LCORL: variants seen among roughly 807,000 people sequenced by gnomAD.
LCORL encodes ligand dependent nuclear receptor corepressor like.
In LCORL, 41 loss-of-function variants were observed where a neutral mutation model predicts 141.8. The observed-to-expected ratio is 0.29, with a 90% CI of 0.23 to 0.38. The LOEUF is 0.38. LCORL is among the 10% of genes least tolerant of loss of function. The pLI, the probability that LCORL is intolerant of heterozygous loss-of-function variation, is 1.00. For synonymous variants in LCORL, 618 were observed against 694.1 expected (o/e 0.89, Z 1.72); for missense variants, 1,759 against 2,035.0 (o/e 0.86, Z 2.61).
chr4:17,906,749 C>T (rs1483623013), intron 5 of LCORL, among the ~76,000 whole-genome samples: 1 of 149,188 alleles, frequency 6.7e-6, no homozygotes, highest in African/African-American at 2.5e-5. Context: ...TGCAGTGGCG[C>T]GATCTTGGCC....
At chr4:17,912,604 C>A in intron 4 of LCORL, 2 of 407,218 alleles carry the variant, frequency 4.9e-6, no homozygotes, top group South Asian at 1.9e-5. Context: ...GACTTACAGT[C>A]CAGTCCTTGG....
chr4:17,932,638 C>T (rs765313371), intron 4 of LCORL, among the ~76,000 whole-genome samples: 33 of 152,260 alleles, frequency 2.2e-4, no homozygotes, highest in Admixed American at 5.9e-4. Context: ...CCATAGAGTA[C>T]GAGGCTGAGC....
At chr4:17,917,490 CTGAGA>C (rs1347688490) in intron 4 of LCORL, among the ~76,000 whole-genome samples, 3 of 152,208 alleles carry the variant, frequency 2.0e-5, no homozygotes, top group East Asian at 1.9e-4. Flanking sequence ...ACTGCGCCAG[CTGAGA>C]TATTTCTTTA....
intron 6 of LCORL, among the ~76,000 whole-genome samples, chr4:17,880,071 T>C (rs1160613200): frequency 1.3e-5 from 2 of 151,084 alleles, no homozygotes; most frequent in East Asian, 1.9e-4. Flanking sequence ...AGTTTTCTTA[T>C]TCAATTTATT....
chr4:17,842,436 A>T, exon 8 of LCORL: 1 of 1,423,440 alleles, frequency 7.0e-7, no homozygotes, highest in Non-Finnish European at 9.8e-7. Context: ...TATTTCTACA[A>T]GTAGAAAAAA....
At chr4:17,937,291 C>T (rs982595734) in intron 4 of LCORL, among the ~76,000 whole-genome samples, 1 of 152,112 alleles carries the variant, frequency 6.6e-6, no homozygotes, top group African/African-American at 2.4e-5. Context: ...GAAACAAGCT[C>T]TAGCAGCCAT....
At chr4:17,997,651 C>G (rs1015476895) in intron 1 of LCORL, among the ~76,000 whole-genome samples, 1 of 151,938 alleles carries the variant, frequency 6.6e-6, no homozygotes, top group Non-Finnish European at 1.5e-5. Context: ...TAAACACCTA[C>G]CTTAAACTCA....
At chr4:17,970,383 C>T (rs1326336056) in intron 2 of LCORL, among the ~76,000 whole-genome samples, 1 of 152,194 alleles carries the variant, frequency 6.6e-6, no homozygotes, top group African/African-American at 2.4e-5. Context: ...AATTACATCA[C>T]AGATCAAAAG....
At chr4:17,930,615 T>C (rs1577455173) in intron 4 of LCORL, among the ~76,000 whole-genome samples, 2 of 152,340 alleles carry the variant, frequency 1.3e-5, no homozygotes, top group East Asian at 1.9e-4. Flanking sequence ...TTTCCTAAAA[T>C]TGAACCACTT....
chr4:17,987,433 A>G (rs1719172589), intron 1 of LCORL, among the ~76,000 whole-genome samples: 1 of 152,176 alleles, frequency 6.6e-6, no homozygotes, highest in Admixed American at 6.5e-5. Flanking sequence ...CTGTTTGGAT[A>G]TACTACATTT....
intron 1 of LCORL, among the ~76,000 whole-genome samples, chr4:18,001,513 T>C (rs1721954717): frequency 6.6e-6 from 1 of 152,080 alleles, no homozygotes; most frequent in Admixed American, 6.5e-5. Flanking sequence ...AGGGGTAACA[T>C]GAACACATTT....
At chr4:17,880,218 C>T (rs926542393) in intron 6 of LCORL, 6 of 154,560 alleles carry the variant, frequency 3.9e-5, no homozygotes, top group Admixed American at 1.3e-4. Flanking sequence ...ACTAAGATCT[C>T]AAATTACAGA....
At position 17,884,007 on chromosome 4, in the gene LCORL, C is replaced by G. The variant is rs915765523; in HGVS notation, c.776+2061G>C. 1.5e-5 allele frequency: 23 copies of G among 1,550,728 alleles called. No individual in the cohort carries two copies. In the Admixed American group the frequency reaches 4.3e-4, roughly 29 times the overall value. ...CTGGGCTGCTTACTGTCTTTTCGAT[C>G]TAATCCATCTTCAGTATTTTCAGAG... On this transcript the variant is annotated intron_variant, in intron 6 of 7. Transcript: ENST00000635767. The surrounding 1 kb of genome is among the most constrained non-coding windows in gnomAD (Gnocchi z 4.4).
chr4:17,909,982 T>C (rs908059884), intron 4 of LCORL, among the ~76,000 whole-genome samples: 1 of 152,178 alleles, frequency 6.6e-6, no homozygotes, highest in African/African-American at 2.4e-5. Flanking sequence ...TTACTTTATT[T>C]TTATTTGTAG....
At chr4:18,000,695 T>C (rs1026525678) in intron 1 of LCORL, among the ~76,000 whole-genome samples, 3 of 152,186 alleles carry the variant, frequency 2.0e-5, no homozygotes, top group African/African-American at 7.2e-5. Flanking sequence ...CATTTCAAAG[T>C]TTCCCAAAAC....
intron 4 of LCORL, among the ~76,000 whole-genome samples, chr4:17,923,514 C>T (rs1232906656): frequency 1.3e-5 from 2 of 152,032 alleles, no homozygotes; most frequent in East Asian, 1.9e-4. Context: ...GGTGTGGTGG[C>T]GGGTGCCTTT....
At chr4:17,861,803 A>C (rs1278785076) in intron 7 of LCORL, among the ~76,000 whole-genome samples, 1 of 152,148 alleles carries the variant, frequency 6.6e-6, no homozygotes, top group Admixed American at 6.5e-5. Context: ...ATCTTTCTCA[A>C]GTTCAAAGTT....
chr4:17,936,867 A>C (rs1736952684), intron 4 of LCORL, among the ~76,000 whole-genome samples: 1 of 152,162 alleles, frequency 6.6e-6, no homozygotes, highest in Non-Finnish European at 1.5e-5. Context: ...GTCTCTTCAC[A>C]CAGAATATTG....
At chr4:17,857,517 A>G (rs75487526) in intron 7 of LCORL, among the ~76,000 whole-genome samples, 1,616 of 152,284 alleles carry the variant, frequency 0.011, 30 homozygotes, top group East Asian at 0.059. Flanking sequence ...TAGCCCTACC[A>G]CAGGGCTTCT....
Sources: gnomAD v4.1 joint callset for allele counts (sites outside exome capture counted in the v4.1 genomes callset) on GRCh38, gnomAD v4.1.1 for gene constraint, Gnocchi (gnomAD v3.1) non-coding constraint, MANE v1.5 for transcripts, NCBI Gene and HGNC (gene_info 2026-07-23, HGNC 2026-07-21) for gene names.